LINGO2: variants seen among roughly 807,000 people sequenced by gnomAD.
LINGO2 encodes leucine rich repeat and Ig domain containing 2, also known as leucine-rich repeat and immunoglobulin-like domain-containing nogo receptor-interacting protein 2.
Under a neutral mutation model 30.6 loss-of-function variants are expected in LINGO2, and 14 were observed. That is an observed-to-expected ratio of 0.46 (90% CI 0.30 to 0.72). The LOEUF (loss-of-function observed/expected upper bound fraction) is 0.72. Among genes scored for constraint, LINGO2 ranks in the 30% least tolerant of loss-of-function variants. The pLI, the probability that LINGO2 is intolerant of heterozygous loss-of-function variation, is 0.07. For missense variants in LINGO2, 729 were observed against 751.7 expected (o/e 0.97, Z 0.35); for synonymous variants, 317 against 288.5 (o/e 1.10, Z -1.00).
chr9:29,017,610 G>T, the LINGO2 span, among the ~76,000 whole-genome samples: 12 of 152,068 alleles, frequency 7.9e-5, no homozygotes, highest in Non-Finnish European at 1.5e-5. Flanking sequence ...AATCATTTAA[G>T]AAACCACGTT....
chr9:28,991,811 A>C, the LINGO2 span, among the ~76,000 whole-genome samples: 4 of 149,160 alleles, frequency 2.7e-5, no homozygotes, highest in African/African-American at 9.8e-5. Flanking sequence ...AGACAAGCAA[A>C]TGCTGAGAGA....
chr9:28,428,092 A>C (rs919686158), intron 2 of LINGO2, among the ~76,000 whole-genome samples: 15 of 152,126 alleles, frequency 9.9e-5, no homozygotes, highest in Non-Finnish European at 1.9e-4. Context: ...ATTTTTTAAC[A>C]TTGCAAAATA....
At chr9:28,121,439 C>T (rs1402467900) in intron 4 of LINGO2, among the ~76,000 whole-genome samples, 1 of 152,072 alleles carries the variant, frequency 6.6e-6, no homozygotes, top group Non-Finnish European at 1.5e-5. Flanking sequence ...AATTTAAATT[C>T]TTTATCTTTG....
At chr9:28,235,219 C>T (rs1055608877) in intron 4 of LINGO2, among the ~76,000 whole-genome samples, 3 of 152,090 alleles carry the variant, frequency 2.0e-5, no homozygotes, top group Admixed American at 6.5e-5. Flanking sequence ...GATAAAAGAA[C>T]GAGAGTCTCT....
chr9:28,738,183 T>C, the LINGO2 span, among the ~76,000 whole-genome samples: 1 of 152,098 alleles, frequency 6.6e-6, no homozygotes, highest in East Asian at 1.9e-4. Context: ...CTGAATAAAA[T>C]TGTGAAACAA....
chr9:29,111,372 T>G, the LINGO2 span, among the ~76,000 whole-genome samples: 1 of 152,074 alleles, frequency 6.6e-6, no homozygotes, highest in Non-Finnish European at 1.5e-5. Context: ...GGCCCTTTGC[T>G]CACTCAAAAT....
chr9:28,189,586 AGG>A (rs1488658309), intron 4 of LINGO2, among the ~76,000 whole-genome samples: 9 of 17,064 alleles, frequency 5.3e-4, no homozygotes, highest in South Asian at 3.5e-3. Context: ...GAAGGGAGGG[AGG>A]AAGGAAGGAA....
chr9:29,138,192 T>C, the LINGO2 span, among the ~76,000 whole-genome samples: 1 of 152,096 alleles, frequency 6.6e-6, no homozygotes, highest in Non-Finnish European at 1.5e-5. Flanking sequence ...CTATATATAA[T>C]AATAGCAATG....
intron 1 of LINGO2, among the ~76,000 whole-genome samples, chr9:28,562,726 A>T (rs1303412341): frequency 6.6e-6 from 1 of 152,094 alleles, no homozygotes; most frequent in East Asian, 1.9e-4. Flanking sequence ...GACAGATTTT[A>T]TATTTTAAAA....
At chr9:28,947,449 T>C in the LINGO2 span, among the ~76,000 whole-genome samples, 6 of 152,066 alleles carry the variant, frequency 3.9e-5, no homozygotes, top group African/African-American at 1.2e-4. Context: ...TGGATAATAA[T>C]ATCTACCTCT....
intron 2 of LINGO2, among the ~76,000 whole-genome samples, chr9:28,465,346 C>G (rs547251642): frequency 4.3e-4 from 66 of 152,302 alleles, no homozygotes; most frequent in African/African-American, 1.5e-3. Flanking sequence ...GGCTGAACTC[C>G]TCTCTGACCG....
chr9:28,713,597 G>A, the LINGO2 span, among the ~76,000 whole-genome samples: 3 of 152,048 alleles, frequency 2.0e-5, no homozygotes, highest in Admixed American at 6.6e-5. Flanking sequence ...TTTTTGCTGT[G>A]TTCTTCTGTG....
chr9:28,855,018 T>C, the LINGO2 span, among the ~76,000 whole-genome samples: 1 of 152,014 alleles, frequency 6.6e-6, no homozygotes, highest in African/African-American at 2.4e-5. Flanking sequence ...AGTATAACTA[T>C]CAATGAAGTT....
intron 1 of LINGO2, among the ~76,000 whole-genome samples, chr9:28,512,602 T>G (rs976918458): frequency 0.097 from 264 of 2,732 alleles, 15 homozygotes; most frequent in East Asian, 0.5. Flanking sequence ...TGTATATATA[T>G]ATATATATAT....
At chr9:28,289,258 T>C (rs1190842716) in intron 4 of LINGO2, among the ~76,000 whole-genome samples, 1 of 152,118 alleles carries the variant, frequency 6.6e-6, no homozygotes, top group African/African-American at 2.4e-5. Context: ...ATATATAAAT[T>C]TTCTGTTCAT....
At chr9:28,312,772 C>A (rs905034876) in intron 3 of LINGO2, among the ~76,000 whole-genome samples, 1 of 152,108 alleles carries the variant, frequency 6.6e-6, no homozygotes, top group Non-Finnish European at 1.5e-5. Context: ...ATTGTCATTG[C>A]TGTTTCCATT....
At chr9:29,105,465 A>C in the LINGO2 span, among the ~76,000 whole-genome samples, 1 of 152,182 alleles carries the variant, frequency 6.6e-6, no homozygotes, top group African/African-American at 2.4e-5. Context: ...AATTCCTTAA[A>C]AATTCAGTCA....
intron 2 of LINGO2, among the ~76,000 whole-genome samples, chr9:28,432,183 A>G (rs956481003): frequency 7.9e-5 from 12 of 152,242 alleles, no homozygotes; most frequent in Admixed American, 5.2e-4. Flanking sequence ...CTTTACTGTT[A>G]AGGAAGAAGT....
chr9:28,510,504 G>A (rs531708278), intron 1 of LINGO2, among the ~76,000 whole-genome samples: 2 of 152,210 alleles, frequency 1.3e-5, no homozygotes, highest in East Asian at 3.9e-4. Flanking sequence ...AGGCTGAGGA[G>A]GAGAAGGAAG....
Sources: gnomAD v4.1 joint callset for allele counts (sites outside exome capture counted in the v4.1 genomes callset) on GRCh38, gnomAD v4.1.1 for gene constraint, MANE v1.5 for transcripts, NCBI Gene and HGNC (gene_info 2026-07-23, HGNC 2026-07-21) for gene names.